ZNF385D: variants seen among roughly 807,000 people sequenced by gnomAD.
ZNF385D encodes the protein zinc finger protein 659.
ZNF385D carries 15 observed loss-of-function variants against 35.8 expected under a neutral mutation model. The observed-to-expected ratio is 0.42, with a 90% CI of 0.28 to 0.64. The LOEUF is 0.64. Ranked by LOEUF, ZNF385D falls within the 30% of genes least tolerant of loss-of-function variation. The pLI is 0.23. For synonymous variants in ZNF385D, 212 were observed against 186.8 expected (o/e 1.13, Z -1.10); for missense variants, 474 against 494.6 (o/e 0.96, Z 0.39).
At chr3:22,227,364 G>C (rs993662652) in intron 2 of ZNF385D, among the ~76,000 whole-genome samples, 1 of 152,102 alleles carries the variant, frequency 6.6e-6, no homozygotes, top group Admixed American at 6.5e-5. Flanking sequence ...GAATCTGATT[G>C]TGTGTCATAA....
At chr3:21,706,489 A>C (rs527357835) in intron 1 of ZNF385D, among the ~76,000 whole-genome samples, 4 of 152,336 alleles carry the variant, frequency 2.6e-5, no homozygotes, top group Admixed American at 2.0e-4. Flanking sequence ...TTGAGGAGAC[A>C]AAAGTGAAAA....
chr3:21,792,628 C>T (rs3849551), intron 3 of ZNF385D, among the ~76,000 whole-genome samples: 34,593 of 151,906 alleles, frequency 0.23, 4,222 homozygotes, highest in African/African-American at 0.29. Flanking sequence ...TGTGGGAACC[C>T]GAAGCAGATG....
At chr3:21,722,208 T>C (rs894200528) in intron 1 of ZNF385D, among the ~76,000 whole-genome samples, 1 of 152,142 alleles carries the variant, frequency 6.6e-6, no homozygotes, top group Non-Finnish European at 1.5e-5. Context: ...CCCAGCAAAG[T>C]TGCTGTTTCT....
intron 4 of ZNF385D, among the ~76,000 whole-genome samples, chr3:21,468,540 C>T (rs951693835): frequency 6.6e-6 from 1 of 151,508 alleles, no homozygotes. Context: ...GGGAATACTA[C>T]TCAGCAATAA....
At chr3:21,972,822 G>C (rs774031963) in intron 3 of ZNF385D, among the ~76,000 whole-genome samples, 29 of 151,772 alleles carry the variant, frequency 1.9e-4, no homozygotes, top group Admixed American at 4.6e-4. Flanking sequence ...ATTGGAAAAC[G>C]TAAAAGAATA....
At chr3:22,122,258 A>G (rs933304791) in intron 3 of ZNF385D, among the ~76,000 whole-genome samples, 1 of 152,134 alleles carries the variant, frequency 6.6e-6, no homozygotes, top group African/African-American at 2.4e-5. Flanking sequence ...GAAGCTTGCA[A>G]GTGACAAGCA....
intron 2 of ZNF385D, among the ~76,000 whole-genome samples, chr3:22,344,769 T>C (rs1004631704): frequency 1.3e-5 from 2 of 152,280 alleles, no homozygotes; most frequent in South Asian, 2.1e-4. Flanking sequence ...TTGTAAAGAT[T>C]AAGTATATTT....
intron 1 of ZNF385D, among the ~76,000 whole-genome samples, chr3:21,749,392 T>G (rs1003344045): frequency 6.6e-6 from 1 of 152,168 alleles, no homozygotes; most frequent in Non-Finnish European, 1.5e-5. Context: ...GACGATCACA[T>G]AAGGAATTGT....
In ZNF385D at chr3:21,427,476, A is replaced by C. The variant is rs377514588; in HGVS notation, c.674-1806T>G. On this transcript the variant is annotated intron_variant, in intron 5 of 7. Coordinates refer to ENST00000281523, the MANE Select transcript of ZNF385D (RefSeq NM_024697.3). ...ATAGGTGGAAGCTGAATGGGTCCAA[A>C]TACTATTTTAACCTATTCAATAATA... 4.6e-5 allele frequency among the ~76,000 whole-genome samples: 7 copies of C among 152,282 alleles called. 1 individual carries two copies. Among genetic ancestry groups the C allele is most frequent in the East Asian group, 3.9e-4 (2 of 5,180 alleles).
At chr3:22,096,755 A>G (rs554799361) in intron 3 of ZNF385D, among the ~76,000 whole-genome samples, 1 of 152,106 alleles carries the variant, frequency 6.6e-6, no homozygotes, top group African/African-American at 2.4e-5. Context: ...ATGAAACAGG[A>G]TGGGTTAACT....
chr3:21,603,965 A>G (rs1177904078), intron 2 of ZNF385D, among the ~76,000 whole-genome samples: 1 of 152,134 alleles, frequency 6.6e-6, no homozygotes, highest in African/African-American at 2.4e-5. Flanking sequence ...GGCAGTGAAA[A>G]GCCCCCATAT....
chr3:21,572,093 CAT>C (rs1246901585), intron 2 of ZNF385D, among the ~76,000 whole-genome samples: 1 of 152,110 alleles, frequency 6.6e-6, no homozygotes, highest in Admixed American at 6.6e-5. Flanking sequence ...CCTTGAATTA[CAT>C]GGTTAGTCTT....
intron 3 of ZNF385D, among the ~76,000 whole-genome samples, chr3:21,536,444 T>C (rs989555007): frequency 1.2e-4 from 19 of 152,084 alleles, no homozygotes; most frequent in Admixed American, 3.3e-4. Context: ...TAGGCTTCTA[T>C]GGTTTGAGTT....
chr3:21,743,609 G>A (rs1441021083), intron 1 of ZNF385D, among the ~76,000 whole-genome samples: 1 of 152,198 alleles, frequency 6.6e-6, no homozygotes, highest in Non-Finnish European at 1.5e-5. Flanking sequence ...GTGGAAAGAG[G>A]AAGCTCTCAC....
At chr3:21,443,741 T>C (rs1055936973) in intron 4 of ZNF385D, among the ~76,000 whole-genome samples, 3 of 152,316 alleles carry the variant, frequency 2.0e-5, no homozygotes, top group Non-Finnish European at 4.4e-5. Context: ...ACTCTAATGT[T>C]CTAAGGGATT....
intron 4 of ZNF385D, among the ~76,000 whole-genome samples, chr3:21,476,599 C>T (rs550270088): frequency 2.0e-5 from 3 of 151,870 alleles, no homozygotes; most frequent in Non-Finnish European, 4.4e-5. Flanking sequence ...TTATACTCTC[C>T]ATTACTTTGC....
intron 3 of ZNF385D, among the ~76,000 whole-genome samples, chr3:21,918,760 G>A (rs181976): frequency 0.024 from 3,692 of 152,190 alleles, 63 homozygotes; most frequent in Non-Finnish European, 0.036. Context: ...TGGCAGAAGT[G>A]TGCAGTGTTT....
At chr3:22,240,321 G>A (rs540686064) in intron 2 of ZNF385D, among the ~76,000 whole-genome samples, 11 of 150,764 alleles carry the variant, frequency 7.3e-5, no homozygotes, top group Non-Finnish European at 1.0e-4. Flanking sequence ...TTAGAGACAC[G>A]GAAAGAACAC....
rs1490191015 is a variant in ZNF385D at position 21,720,045 on chromosome 3, T to A, written c.22+30850A>T. ...TGTGAAACTTAGCTGCGCACTAGAA[T>A]CATCTAGTGTGGGATCTTGAAAAAA... On this transcript the variant is annotated intron_variant, in intron 1 of 7. Coordinates refer to ENST00000281523, the MANE Select transcript of ZNF385D (RefSeq NM_024697.3). Among the ~76,000 whole-genome samples, 5 of 152,290 alleles carry A rather than the reference T, an allele frequency of 3.3e-5. No homozygotes were observed. The East Asian group carries it at 9.7e-4, about 29-fold the overall frequency.
Sources: gnomAD v4.1 joint callset for allele counts (sites outside exome capture counted in the v4.1 genomes callset) on GRCh38, gnomAD v4.1.1 for gene constraint, MANE v1.5 for transcripts, NCBI Gene and HGNC (gene_info 2026-07-23, HGNC 2026-07-21) for gene names.